TMEM8B: variants seen among roughly 807,000 people sequenced by gnomAD.
TMEM8B encodes nasopharyngeal carcinoma expressed 6.
A neutral mutation model predicts 49.3 loss-of-function variants in TMEM8B; 29 were observed. That is an observed-to-expected ratio of 0.59 (90% CI 0.44 to 0.80). The LOEUF is 0.80. TMEM8B is among the 30% of genes least tolerant of loss of function. The pLI, the probability that TMEM8B is intolerant of heterozygous loss-of-function variation, is 0.00. For synonymous variants in TMEM8B, 264 were observed against 272.8 expected (o/e 0.97, Z 0.32); for missense variants, 575 against 658.5 (o/e 0.87, Z 1.39).
chr9:35,832,802 C>T (rs990633459), intron 1 of TMEM8B, among the ~76,000 whole-genome samples: 7 of 152,186 alleles, frequency 4.6e-5, no homozygotes, highest in Admixed American at 4.6e-4. Flanking sequence ...AGGCTGTTCA[C>T]CTCTTAGCCT....
In TMEM8B at chr9:35,860,644, A is replaced by G. The variant is rs1832633694; in HGVS notation, c.*6804A>G. The G allele has an allele frequency of 1.8e-5, 1 of 56,420 alleles. No homozygotes were observed. The allele number at this position is 56,420 out of a possible 1,614,324, so 3.5% of individuals were successfully genotyped here. A position where few individuals can be genotyped will look rare whatever the true frequency, so the allele number is the denominator to read the frequency against. On this transcript the variant is annotated 3_prime_UTR_variant, in exon 13 of 13. Transcript: ENST00000643932. ...GATTTCTGGTCATCTCTCCTTAAGG[A>G]ATCATGGACCATTCATTATTTTGTT...
rs116362403 is a variant in TMEM8B, at chr9:35,846,472, C to T, written c.1857C>T (p.Phe619=). ...LRSLCGVGPR[F]VRCRNATAEV... Reference sequence around the variant, plus strand: ...GTGACTGCGAGTTTGTGCGCAGGTTCGTGCGGTGCCGCAACGCGACGGCCG... The same window carrying T: ...GTGACTGCGAGTTTGTGCGCAGGTTTGTGCGGTGCCGCAACGCGACGGCCG... The change falls in exon 9 of 13, where the codon TTC becomes TTT. Residue 619 remains phenylalanine (F), a synonymous_variant. Transcript: ENST00000643932. 5,041 of 1,598,838 alleles carry T rather than the reference C, an allele frequency of 3.2e-3. 100 individuals are homozygous for T. The African/African-American group carries it at 0.048, about 15-fold the overall frequency.
intron 10 of TMEM8B, among the ~76,000 whole-genome samples, chr9:35,850,223 GC>G (rs777628320): frequency 3.9e-5 from 6 of 152,132 alleles, no homozygotes; most frequent in Non-Finnish European, 8.8e-5. Context: ...AGCATTAGAT[GC>G]ACTGTTACAA....
At position 35,860,278 on chromosome 9, in the gene TMEM8B, A is replaced by G. The variant is rs1331164860; in HGVS notation, c.*6438A>G. 1 of 152,256 alleles carries G rather than the reference A, an allele frequency of 6.6e-6. No homozygotes were observed. Among genetic ancestry groups the G allele is most frequent in the Non-Finnish European group, 1.5e-5 (1 of 68,036 alleles). The allele number at this position is 152,256 out of a possible 1,614,324, so 9.4% of individuals were successfully genotyped here. A position where few individuals can be genotyped will look rare whatever the true frequency, so the allele number is the denominator to read the frequency against. ...AGACAGCAGAGAAAGATTCATGTTT[A>G]AAATGATCGTTTGGAATCCAAAGTG... On this transcript the variant is annotated 3_prime_UTR_variant, in exon 13 of 13. Coordinates refer to ENST00000643932, the MANE Select transcript of TMEM8B (RefSeq NM_001042590.4).
chr9:35,846,302 G>T lies in TMEM8B; in HGVS notation c.1774G>T (p.Val592Phe). The T allele has an allele frequency of 6.2e-7, 1 of 1,614,206 alleles. No individual in the cohort carries two copies. The change falls in exon 8 of 13, where the codon GTT becomes TTT. Residue 592 changes from valine to phenylalanine, a missense_variant. Val to Phe is a conservative substitution (Grantham distance 50). Transcript: ENST00000643932. The part of the protein sequence containing the change: ...FLLSVSATTR[V>F]ARLRIPFPQT... ...CCTCTCTGTCAGTGCCACCACCAGG[G>T]TTGCCAGGCTGCGAATCCCATTCCC...
In TMEM8B at chr9:35,859,166, C is replaced by G. The variant is rs535814273; in HGVS notation, c.*5326C>G. The stretch of plus-strand genomic sequence containing the variant: ...GCGAGGGCGTCACAACCCCGTAGAA[C>G]AATGCGACAGTCTTATCCACGTTGG... On this transcript the variant is annotated 3_prime_UTR_variant, in exon 13 of 13. Coordinates refer to ENST00000643932, the MANE Select transcript of TMEM8B (RefSeq NM_001042590.4). The G allele has an allele frequency of 4.5e-5, 7 of 154,686 alleles. No individual in the cohort carries two copies. The highest frequency in any genetic ancestry group is 1.4e-4 in the African/African-American group (6 of 41,644). The allele number at this position is 154,686 out of a possible 1,614,324, so 9.6% of individuals were successfully genotyped here.
rs186902023 is a variant in TMEM8B, at chr9:35,860,555, G to A, written c.*6715G>A. 7.9e-5 allele frequency: 12 copies of A among 152,304 alleles called. No homozygotes were observed. The highest frequency in any genetic ancestry group is 2.9e-4 in the African/African-American group (12 of 41,570). The allele number at this position is 152,304 out of a possible 1,614,324, so 9.4% of individuals were successfully genotyped here. On this transcript the variant is annotated 3_prime_UTR_variant, in exon 13 of 13. Coordinates refer to ENST00000643932, the MANE Select transcript of TMEM8B (RefSeq NM_001042590.4). ...GGAAGGCAGGTGGGTAATGGATGAT[G>A]CTCACCTAGTGTTCCTTGGGCCATG...
chr9:35,833,330 G>T, intron 1 of TMEM8B: 1 of 985,280 alleles, frequency 1.0e-6, no homozygotes, highest in Non-Finnish European at 1.2e-6. Context: ...CTTCTCACCT[G>T]TCCTGGAGGT....
chr9:35,832,294 G>A (rs901782293), intron 1 of TMEM8B, among the ~76,000 whole-genome samples: 4 of 151,794 alleles, frequency 2.6e-5, no homozygotes, highest in African/African-American at 9.7e-5. Flanking sequence ...ATCTGAACTC[G>A]GTAAGGGCCT....
At position 35,852,906 on chromosome 9, in the gene TMEM8B, T is replaced by G; in HGVS notation, c.2255T>G (p.Leu752Arg). 1 of 1,614,244 alleles carries G rather than the reference T, an allele frequency of 6.2e-7. No homozygotes were observed. The highest frequency in any genetic ancestry group is 8.5e-7 in the Non-Finnish European group (1 of 1,180,046). ...GATGTGCTGCAGTTCTGTGATTTCC[T>G]GGGCTCCTTAATGTCCGTGTGGGTC... ...DYDVLQFCDF[L>R]GSLMSVWVTV... Residue 752 changes from leucine (L) to arginine (R), a missense_variant, in exon 11 of 13, where the codon CTG becomes CGG. Transcript: ENST00000643932.
chr9:35,842,390 A>G lies in TMEM8B; in HGVS notation c.1310-2A>G. 2.6e-6 allele frequency: 4 copies of G among 1,513,582 alleles called. No homozygotes were observed. The highest frequency in any genetic ancestry group is 3.5e-6 in the Non-Finnish European group (4 of 1,130,852). The allele number at this position is 1,513,582 out of a possible 1,614,324, so 93.8% of individuals were successfully genotyped here. A position where few individuals can be genotyped will look rare whatever the true frequency, so the allele number is the denominator to read the frequency against. ...CAAGCTCTGGTTTCCTCTGCCCCAC[A>G]GAGTGCCCACAGCCCGGCCTGCTCC... is the stretch of plus-strand genomic sequence containing the variant. On this transcript the variant is annotated splice_acceptor_variant, in intron 5 of 12. Transcript: ENST00000643932. LOFTEE classifies it high-confidence loss of function. The surrounding 1 kb of genome is among the most constrained non-coding windows in gnomAD (Gnocchi z 5.6).
rs1460930397 is a variant in TMEM8B, at chr9:35,864,315, CT to C, written c.*10477del. The C allele has an allele frequency of 6.6e-6, 1 of 152,212 alleles. No homozygotes were observed. The highest frequency in any genetic ancestry group is 6.5e-5 in the Admixed American group (1 of 15,290). The allele number at this position is 152,212 out of a possible 1,614,324, so 9.4% of individuals were successfully genotyped here. A position where few individuals can be genotyped will look rare whatever the true frequency, so the allele number is the denominator to read the frequency against. On this transcript the variant is annotated 3_prime_UTR_variant, in exon 13 of 13. Coordinates refer to ENST00000643932, the MANE Select transcript of TMEM8B (RefSeq NM_001042590.4). ...TGTCTGGTAAATCTAATTTTAACCA[CT>C]TAATACTTATTTTAGGCTTCACAAA... is the stretch of plus-strand genomic sequence containing the variant.
intron 6 of TMEM8B, among the ~76,000 whole-genome samples, chr9:35,844,164 G>T (rs185028255): frequency 3.5e-4 from 54 of 152,296 alleles, no homozygotes; most frequent in Non-Finnish European, 6.6e-4. Context: ...GTGCCAATTC[G>T]CATCTTGCAT....
Position 35,853,485 on chromosome 9 carries a change from C to A in TMEM8B, c.2440-20C>A. 1 of 1,599,326 alleles carries A rather than the reference C, an allele frequency of 6.3e-7. No homozygotes were observed. Among genetic ancestry groups the A allele is most frequent in the Non-Finnish European group, 8.5e-7 (1 of 1,172,972 alleles). On this transcript the variant is annotated intron_variant, in intron 12 of 12. Coordinates refer to ENST00000643932, the MANE Select transcript of TMEM8B (RefSeq NM_001042590.4). The surrounding 1 kb of genome is among the most constrained non-coding windows in gnomAD (Gnocchi z 4.2). The stretch of plus-strand genomic sequence containing the variant: ...TCCAGGGCTTGGCATTCCTGAGCCC[C>A]ACTTCTCTGTCTCCCCCAGACAGTA...
chr9:35,861,375 A>T lies in TMEM8B; in HGVS notation c.*7535A>T, dbSNP rs1181464789. 19 of 152,830 alleles carry T rather than the reference A, an allele frequency of 1.2e-4. No individual in the cohort carries two copies. Among genetic ancestry groups the T allele is most frequent in the Admixed American group, 1.2e-3 (18 of 15,276 alleles). 9.5% of individuals were successfully genotyped at this position (152,830 alleles called of 1,614,324 possible). ...TTCTGCCCATTCTCCAGAGCCCAGC[A>T]CTGCTCCATCTCTTTTCCTCCCTCT... On this transcript the variant is annotated 3_prime_UTR_variant, in exon 13 of 13. Transcript: ENST00000643932.
chr9:35,836,411 AG>A (rs1564021003), intron 3 of TMEM8B, among the ~76,000 whole-genome samples: 1 of 152,230 alleles, frequency 6.6e-6, no homozygotes, highest in Non-Finnish European at 1.5e-5. Flanking sequence ...AAATCCCAAC[AG>A]GGATGTTCTT....
chr9:35,841,923 C>T lies in TMEM8B; in HGVS notation c.1309+129C>T. On this transcript the variant is annotated intron_variant, in intron 5 of 12. Coordinates refer to ENST00000643932, the MANE Select transcript of TMEM8B (RefSeq NM_001042590.4). The surrounding 1 kb of genome is among the most constrained non-coding windows in gnomAD (Gnocchi z 5.9). ...CCTCCCCATCCCAAGCTCCTTCATG[C>T]TCCCTGAAGCCATCACACTTGGAGC... is the stretch of plus-strand genomic sequence containing the variant. 2.4e-6 allele frequency: 1 copy of T among 409,396 alleles called. No individual in the cohort carries two copies. Among genetic ancestry groups the T allele is most frequent in the Non-Finnish European group, 4.4e-6 (1 of 226,074 alleles). The allele number at this position is 409,396 out of a possible 1,614,324, so 25.4% of individuals were successfully genotyped here. A position where few individuals can be genotyped will look rare whatever the true frequency, so the allele number is the denominator to read the frequency against.
intron 10 of TMEM8B, 121 bp from the exon 11 acceptor site, chr9:35,852,706 C>A: frequency 8.5e-7 from 1 of 1,170,784 alleles, no homozygotes; most frequent in South Asian, 1.4e-5. Flanking sequence ...ATCTTCTCAT[C>A]TGTGACCTTT....
chr9:35,850,987 T>C (rs564466501), intron 10 of TMEM8B, among the ~76,000 whole-genome samples: 6 of 152,144 alleles, frequency 3.9e-5, no homozygotes, highest in Non-Finnish European at 8.8e-5. Flanking sequence ...ATAGCTAAAA[T>C]AGAAAAAGAC....
Sources: gnomAD v4.1 joint callset for allele counts (sites outside exome capture counted in the v4.1 genomes callset) on GRCh38, gnomAD v4.1.1 for gene constraint, Gnocchi (gnomAD v3.1) non-coding constraint, MANE v1.5 for transcripts, NCBI Gene and HGNC (gene_info 2026-07-23, HGNC 2026-07-21) for gene names.